The following AMBRA1 variants were observed in gnomAD, a reference collection of about 807,000 sequenced individuals.
AMBRA1 encodes the protein autophagy and beclin 1 regulator 1, also known as activating molecule in BECN1-regulated autophagy protein 1.
AMBRA1 carries 47 observed loss-of-function variants against 125.4 expected under a neutral mutation model. That is an observed-to-expected ratio of 0.37 (90% confidence interval 0.30 to 0.48). The LOEUF is 0.48. AMBRA1 is among the 20% of genes least tolerant of loss of function. The pLI is 0.99. For synonymous variants in AMBRA1, 626 were observed against 655.5 expected (o/e 0.95, Z 0.69); for missense variants, 1,331 against 1,693.4 (o/e 0.79, Z 3.76).
chr11:46,512,474 T>C (rs561287970), intron 8 of AMBRA1, among the ~76,000 whole-genome samples: 11 of 152,246 alleles, frequency 7.2e-5, no homozygotes, highest in Admixed American at 4.6e-4. Context: ...CCTCTCCAGG[T>C]TCCTCCTCTA....
chr11:46,408,847 C>G, intron 16 of AMBRA1, 141 bp from the exon 17 acceptor site: 1 of 684,442 alleles, frequency 1.5e-6, no homozygotes, highest in Non-Finnish European at 2.2e-6. Context: ...CCTGCAACTA[C>G]ATCTTGATGG....
At chr11:46,460,724 G>C (rs999300125) in intron 11 of AMBRA1, among the ~76,000 whole-genome samples, 20 of 152,218 alleles carry the variant, frequency 1.3e-4, no homozygotes, top group Non-Finnish European at 1.5e-5. Flanking sequence ...GCAGATGCCT[G>C]TGAAGTGGTA....
intron 1 of AMBRA1, among the ~76,000 whole-genome samples, 167 bp downstream of exon 1, chr11:46,593,661 G>A (rs2044687767): frequency 6.6e-6 from 1 of 152,150 alleles, no homozygotes; most frequent in Non-Finnish European, 1.5e-5. Context: ...CTTCTCCCTC[G>A]GTTCCGGGCT....
chr11:46,485,744 A>G (rs1950247441), intron 11 of AMBRA1, among the ~76,000 whole-genome samples: 1 of 152,226 alleles, frequency 6.6e-6, no homozygotes, highest in African/African-American at 2.4e-5. Context: ...AGACAAAAGC[A>G]CAGAAAAACT....
chr11:46,592,633 C>T (rs891919860), intron 1 of AMBRA1, among the ~76,000 whole-genome samples: 1 of 151,962 alleles, frequency 6.6e-6, no homozygotes, highest in Non-Finnish European at 1.5e-5. Flanking sequence ...TGGCGCGCGC[C>T]GGTACTTCCA....
At chr11:46,537,058 T>TC (rs1018062449) in intron 7 of AMBRA1, among the ~76,000 whole-genome samples, 2 of 152,200 alleles carry the variant, frequency 1.3e-5, no homozygotes, top group African/African-American at 4.8e-5. Flanking sequence ...ATAGTGAACA[T>TC]CCCTAACAGG....
intron 1 of AMBRA1, among the ~76,000 whole-genome samples, chr11:46,569,590 T>C (rs796813067): frequency 6.0e-4 from 91 of 152,030 alleles, no homozygotes; most frequent in African/African-American, 2.1e-3. Flanking sequence ...CTGTGTACTA[T>C]AGAAATAGCA....
chr11:46,508,487 G>T lies in AMBRA1; in HGVS notation c.2160-117C>A, dbSNP rs535679004. ...CTGCTGAGGTGAACTCTGGAGACAT[G>T]AAAATTAAAGGGCATTTAACTCAAC... On this transcript the variant is annotated intron_variant, in intron 8 of 17. Coordinates refer to ENST00000683756, the MANE Select transcript of AMBRA1 (RefSeq NM_001387011.1). The T allele has an allele frequency of 4.6e-5, 47 of 1,011,286 alleles. No individual in the cohort carries two copies. In the South Asian group the frequency reaches 7.5e-4, roughly 16 times the overall value. The allele number at this position is 1,011,286 out of a possible 1,614,324, so 62.6% of individuals were successfully genotyped here.
chr11:46,486,065 C>T (rs1461341879), intron 11 of AMBRA1, among the ~76,000 whole-genome samples: 1 of 152,198 alleles, frequency 6.6e-6, no homozygotes, highest in East Asian at 1.9e-4. Context: ...CTCTTATTCC[C>T]TTCACTTTCA....
intron 1 of AMBRA1, among the ~76,000 whole-genome samples, chr11:46,569,440 A>AAAAAATATATAT (rs1477022124): frequency 1.4e-4 from 19 of 131,364 alleles, no homozygotes; most frequent in African/African-American, 5.3e-4. Flanking sequence ...AAAAAAAAAA[A>AAAAAATATATAT]ATATATATAT....
chr11:46,552,289 A>C (rs1474961611), intron 1 of AMBRA1, among the ~76,000 whole-genome samples: 1 of 135,320 alleles, frequency 7.4e-6, no homozygotes, highest in Non-Finnish European at 1.5e-5. Context: ...GAATTGCTTG[A>C]ACCCAGGAGG....
At chr11:46,525,069 G>A (rs1367486896) in intron 7 of AMBRA1, among the ~76,000 whole-genome samples, 1 of 152,190 alleles carries the variant, frequency 6.6e-6, no homozygotes, top group East Asian at 1.9e-4. Flanking sequence ...GGAGGCTGAG[G>A]CAAGAGGATA....
chr11:46,563,796 A>T lies in AMBRA1; in HGVS notation c.-120-15296T>A, dbSNP rs546072529. Reference sequence around the variant, plus strand: ...ACGGTAGTTGCAGTGAGCCAAGATCACACCACTGTACTCCAGGCTAGTCTG... The same window carrying T: ...ACGGTAGTTGCAGTGAGCCAAGATCTCACCACTGTACTCCAGGCTAGTCTG... On this transcript the variant is annotated intron_variant, in intron 1 of 17. Coordinates refer to ENST00000683756, the MANE Select transcript of AMBRA1 (RefSeq NM_001387011.1). Among the ~76,000 whole-genome samples, 4 of 150,108 alleles carry T rather than the reference A, an allele frequency of 2.7e-5. 1 individual carries two copies. The South Asian group carries it at 8.5e-4, about 32-fold the overall frequency.
At chr11:46,425,310 T>TTG (rs34321655) in intron 14 of AMBRA1, among the ~76,000 whole-genome samples, 14,176 of 135,410 alleles carry the variant, frequency 0.1, 768 homozygotes, top group East Asian at 0.25. Context: ...CTTGATCCAT[T>TTG]TGTGTGTGTG....
At chr11:46,512,861 C>A in intron 7 of AMBRA1, 48 bp from the exon 8 acceptor site, 1 of 1,531,700 alleles carries the variant, frequency 6.5e-7, no homozygotes, top group Non-Finnish European at 9.0e-7. Flanking sequence ...ATTACCAACT[C>A]AGAGGTCATT....
chr11:46,585,835 C>T (rs1423476811), intron 1 of AMBRA1, among the ~76,000 whole-genome samples: 1 of 147,260 alleles, frequency 6.8e-6, no homozygotes, highest in Non-Finnish European at 1.5e-5. Flanking sequence ...GACGGAGTTT[C>T]GCTCTTGTTG....
chr11:46,470,606 A>AG (rs1949547730), intron 11 of AMBRA1, among the ~76,000 whole-genome samples: 1 of 151,038 alleles, frequency 6.6e-6, no homozygotes, highest in Admixed American at 6.6e-5. Flanking sequence ...AAAAAAAAAA[A>AG]AAAAAATTAG....
Position 46,434,971 on chromosome 11 carries a change from T to A in AMBRA1, c.2699A>T (p.Asp900Val). The change falls in exon 13 of 18, where the codon GAT becomes GTT. Residue 900 changes from aspartate (D) to valine (V), a missense_variant. Asp to Val is a radical substitution (Grantham distance 152). Around this residue, in one of 4 missense-constraint regions of AMBRA1, gnomAD observed 354 missense variants for 532.7 expected, o/e 0.66. Transcript: ENST00000683756. ...YNDASCDISA[D>V]GQLLAAFIPS... ...GATGAAAGCTGCCAGGAGCTGGCCA[T>A]CTGCAGAAATGTCACAGCTGGCATC... 6.2e-7 allele frequency: 1 copy of A among 1,613,846 alleles called. No homozygotes were observed. The highest frequency in any genetic ancestry group is 8.5e-7 in the Non-Finnish European group (1 of 1,179,896).
chr11:46,498,204 G>T (rs78627461), intron 9 of AMBRA1, among the ~76,000 whole-genome samples: 1 of 152,214 alleles, frequency 6.6e-6, no homozygotes, highest in South Asian at 2.1e-4. Context: ...GCTAAATACC[G>T]GGCTCTAACA....
Sources: gnomAD v4.1 joint callset for allele counts (sites outside exome capture counted in the v4.1 genomes callset) on GRCh38, gnomAD v4.1.1 for gene constraint, gnomAD v4.1.1 regional missense constraint, MANE v1.5 for transcripts, NCBI Gene and HGNC (gene_info 2026-07-23, HGNC 2026-07-21) for gene names.